LMBRD1: variants seen among roughly 807,000 people sequenced by gnomAD.
LMBRD1 encodes LMBR1 domain containing 1.
A neutral mutation model predicts 74.8 loss-of-function variants in LMBRD1; 64 were observed. The observed-to-expected ratio is 0.86, with a 90% CI of 0.70 to 1.05. The LOEUF is 1.05. Among genes scored for constraint, LMBRD1 ranks in the 50% least tolerant of loss-of-function variants. The pLI is 0.00. For synonymous variants in LMBRD1, 204 were observed against 216.3 expected, an observed-to-expected ratio of 0.94 and a Z score of 0.50; for missense variants, 652 against 645.9, an observed-to-expected ratio of 1.01 and a Z score of -0.10.
chr6:69,697,908 T>C (rs1766041367), intron 13 of LMBRD1, among the ~76,000 whole-genome samples: 1 of 152,106 alleles, frequency 6.6e-6, no homozygotes, highest in Admixed American at 6.5e-5. Context: ...TAATACAAAG[T>C]ATAGCATCTG....
intron 14 of LMBRD1, among the ~76,000 whole-genome samples, chr6:69,688,864 G>A (rs907650369): frequency 6.6e-6 from 1 of 151,862 alleles, no homozygotes; most frequent in African/African-American, 2.4e-5. Flanking sequence ...CTACTTTCAC[G>A]GTGTTTACTT....
rs1344639808 is a variant in LMBRD1 at position 69,790,407 on chromosome 6, G to A, written c.135C>T (p.Val45=). The A allele has an allele frequency of 6.8e-6, 11 of 1,614,018 alleles. No homozygotes were observed. The highest frequency in any genetic ancestry group is 2.2e-5 in the East Asian group (1 of 44,854). Reference sequence around the variant, plus strand: ...GAGAAAAAATTGCTGTTATGGTGGAGACAACTTCACTTTCCCGCCGACTTT... The same window carrying A: ...GAGAAAAAATTGCTGTTATGGTGGAAACAACTTCACTTTCCCGCCGACTTT... ...KYQSRRESEV[V]STITAIFSLA... is the part of the protein sequence containing the mutation. The change falls in exon 2 of 16, where the codon GTC becomes GTT. Residue 45 remains valine, a synonymous_variant. Coordinates refer to ENST00000649934, the MANE Select transcript of LMBRD1 (RefSeq NM_018368.4).
In LMBRD1 at chr6:69,675,501, G is replaced by A. The variant is rs1342194716; in HGVS notation, c.*657C>T. ...TTTATATTGAAATACACATTTTGAG[G>A]TCAGATGCAAAACAAAAGCTACCTA... On this transcript the variant is annotated 3_prime_UTR_variant, in exon 16 of 16. Coordinates refer to ENST00000649934, the MANE Select transcript of LMBRD1 (RefSeq NM_018368.4). Among the ~76,000 whole-genome samples, 1 of 151,930 alleles carries A rather than the reference G, an allele frequency of 6.6e-6. No individual in the cohort carries two copies. The highest frequency in any genetic ancestry group is 1.5e-5 in the Non-Finnish European group (1 of 67,974).
At chr6:69,685,660 G>T (rs1313989816) in intron 14 of LMBRD1, among the ~76,000 whole-genome samples, 1 of 152,080 alleles carries the variant, frequency 6.6e-6, no homozygotes, top group Non-Finnish European at 1.5e-5. Context: ...AATTAGTTGG[G>T]CATGGTGGCA....
At chr6:69,705,238 G>A in intron 9 of LMBRD1, 2 of 667,414 alleles carry the variant, frequency 3.0e-6, no homozygotes, top group Non-Finnish European at 2.8e-6. Context: ...AACTGCTACA[G>A]AAATGAAGTA....
At position 69,675,783 on chromosome 6, in the gene LMBRD1, C is replaced by A; in HGVS notation, c.*375G>T. ...ATCAGAGAGAGACACTTTAAAATTC[C>A]ACATCACTCTGGAGAACCTAAGGCA... On this transcript the variant is annotated 3_prime_UTR_variant, in exon 16 of 16. Transcript: ENST00000649934. 4.8e-6 allele frequency: 1 copy of A among 209,568 alleles called. No homozygotes were observed. 13.0% of individuals were successfully genotyped at this position (209,568 alleles called of 1,614,324 possible). A position where few individuals can be genotyped will look rare whatever the true frequency, so the allele number is the denominator to read the frequency against.
rs149265011 is a variant in LMBRD1 at position 69,787,158 on chromosome 6, A to G, written c.246+3138T>C. Among the ~76,000 whole-genome samples, 726 of 152,334 alleles carry G rather than the reference A, an allele frequency of 4.8e-3. 8 individuals are homozygous for G. Among genetic ancestry groups the G allele is most frequent in the Middle Eastern group, 0.017 (5 of 294 alleles). ...GAAGAATTAATTCTTAAATACTTAA[A>G]CTTATCTTTCACTAGGCACCTGAAT... On this transcript the variant is annotated intron_variant, in intron 2 of 15. Coordinates refer to ENST00000649934, the MANE Select transcript of LMBRD1 (RefSeq NM_018368.4).
At position 69,700,759 on chromosome 6, in the gene LMBRD1, A is replaced by G. The variant is rs1046986612; in HGVS notation, c.1188+6T>C. On this transcript the variant is annotated splice_donor_region_variant and intron_variant, in intron 12 of 15. Transcript: ENST00000649934. ...AGAAAAAAATAATACTGTAATATAT[A>G]CTTACTCTAATCCAAAAGAACCATA... is the stretch of plus-strand genomic sequence containing the variant. The G allele has an allele frequency of 4.0e-6, 6 of 1,488,750 alleles. No homozygotes were observed. In the Middle Eastern group the frequency reaches 5.3e-4, roughly 132 times the overall value. 92.2% of individuals were successfully genotyped at this position (1,488,750 alleles called of 1,614,324 possible).
At chr6:69,796,591 A>G (rs932572402) in intron 1 of LMBRD1, among the ~76,000 whole-genome samples, 16 of 152,106 alleles carry the variant, frequency 1.1e-4, no homozygotes, top group African/African-American at 3.9e-4. Context: ...CTGCAACCCT[A>G]GACGTCATCG....
chr6:69,684,630 C>G (rs1765725214), intron 14 of LMBRD1, among the ~76,000 whole-genome samples: 1 of 151,856 alleles, frequency 6.6e-6, no homozygotes, highest in Non-Finnish European at 1.5e-5. Context: ...ATTTTTTACC[C>G]TAGTAAAACT....
At chr6:69,720,480 A>C (rs940889360) in intron 7 of LMBRD1, among the ~76,000 whole-genome samples, 3 of 152,224 alleles carry the variant, frequency 2.0e-5, no homozygotes, top group Non-Finnish European at 4.4e-5. Context: ...CATACACTTT[A>C]AGTATCCCTC....
At chr6:69,690,087 T>C (rs1488665608) in intron 14 of LMBRD1, among the ~76,000 whole-genome samples, 1 of 151,934 alleles carries the variant, frequency 6.6e-6, no homozygotes, top group East Asian at 1.9e-4. Context: ...AACTAGTTCT[T>C]GTCCTCTGCC....
chr6:69,749,737 T>C (rs1765078476), intron 4 of LMBRD1, among the ~76,000 whole-genome samples: 1 of 151,362 alleles, frequency 6.6e-6, no homozygotes, highest in Non-Finnish European at 1.5e-5. Context: ...AATCAGAATC[T>C]ACAATGCCCC....
In LMBRD1 at chr6:69,762,456, C is replaced by CAA. The variant is rs148940523; in HGVS notation, c.308-10102_308-10101dup. ...TAGAGACCCTGTCTCTACCAAAAAA[C>CAA]AAAAAAAAAAAAAGGAAGTTACAAA... On this transcript the variant is annotated intron_variant, in intron 3 of 15. Transcript: ENST00000649934. 2.1e-4 allele frequency among the ~76,000 whole-genome samples: 28 copies of CAA among 132,602 alleles called. No individual in the cohort carries two copies. In the South Asian group the frequency reaches 2.1e-3, roughly 10 times the overall value. 87.0% of individuals were successfully genotyped at this position (132,602 alleles called of 152,430 possible). A position where few individuals can be genotyped will look rare whatever the true frequency, so the allele number is the denominator to read the frequency against.
intron 7 of LMBRD1, among the ~76,000 whole-genome samples, chr6:69,733,803 A>T (rs2149866297): frequency 6.6e-6 from 1 of 152,326 alleles, no homozygotes; most frequent in Non-Finnish European, 1.5e-5. Flanking sequence ...AATAAGAAAC[A>T]TTCTCACTGA....
At chr6:69,736,441 A>G (rs929910196) in intron 7 of LMBRD1, among the ~76,000 whole-genome samples, 22 of 152,158 alleles carry the variant, frequency 1.4e-4, no homozygotes. Flanking sequence ...CCGGGAACCA[A>G]CACACAAAAA....
At chr6:69,766,956 T>C (rs753364793) in intron 3 of LMBRD1, among the ~76,000 whole-genome samples, 20 of 151,722 alleles carry the variant, frequency 1.3e-4, no homozygotes, top group Non-Finnish European at 1.9e-4. Flanking sequence ...AATTGGAAAA[T>C]TGTCTAGGAA....
At chr6:69,690,219 G>C (rs1232875810) in intron 14 of LMBRD1, among the ~76,000 whole-genome samples, 1 of 151,986 alleles carries the variant, frequency 6.6e-6, no homozygotes, top group Non-Finnish European at 1.5e-5. Flanking sequence ...TTCTCATCCA[G>C]TCTCACAACT....
chr6:69,749,267 A>C, intron 5 of LMBRD1, 74 bp downstream of exon 5: 1 of 1,194,164 alleles, frequency 8.4e-7, no homozygotes, highest in South Asian at 1.4e-5. Flanking sequence ...ATTTTTCTGA[A>C]TGATCCTTTT....
Sources: allele counts gnomAD v4.1 joint callset (sites outside exome capture counted in the v4.1 genomes callset), GRCh38; gene constraint gnomAD v4.1.1; transcripts MANE v1.5; gene names NCBI Gene and HGNC (gene_info 2026-07-23, HGNC 2026-07-21).